The following VAV1 variants were observed in gnomAD, a reference collection of about 807,000 sequenced individuals.
VAV1 encodes the protein proto-oncogene vav.
Under a neutral mutation model 128.1 loss-of-function variants are expected in VAV1, and 33 were observed. The ratio of observed to expected loss-of-function variants is 0.26; its 90% confidence interval spans 0.20 to 0.34. VAV1 has a LOEUF of 0.34. Among genes scored for constraint, VAV1 ranks in the 10% least tolerant of loss-of-function variants. VAV1 has a pLI of 1.00. For synonymous variants in VAV1, 394 were observed against 409.8 expected (o/e 0.96, Z 0.47); for missense variants, 715 against 1,093.7 (o/e 0.65, Z 4.88).
intron 1 of VAV1, among the ~76,000 whole-genome samples, chr19:6,799,244 T>C (rs995070353): frequency 2.0e-5 from 3 of 152,138 alleles, no homozygotes; most frequent in Non-Finnish European, 4.4e-5. Flanking sequence ...CTCGGCTCAC[T>C]GCAACCTCCG....
Position 6,822,444 on chromosome 19 carries a change from G to T in VAV1, c.584G>T (p.Arg195Leu), listed in dbSNP as rs367965223. The change falls in exon 6 of 27, where the codon CGC becomes CTC. Residue 195 changes from arginine (R) to leucine (L), a missense_variant. Arg to Leu is a moderately radical substitution (Grantham distance 102). This residue lies in a region of VAV1 where 302 missense variants were observed against 477.8 expected (regional missense o/e 0.63). Transcript: ENST00000602142. The surrounding 1 kb of genome is among the most constrained non-coding windows in gnomAD (Gnocchi z 5.9). ...CCCAAGATGACAGAGTATGACAAGC[G>T]CTGCTGCTGCCTGCGGGAGATCCAG... ...MPPKMTEYDKRCCCLREIQQT... is the reference protein window; with the variant it reads ...MPPKMTEYDKLCCCLREIQQT... 1.3e-6 allele frequency: 2 copies of T among 1,562,874 alleles called. No individual in the cohort carries two copies. Among genetic ancestry groups the T allele is most frequent in the South Asian group, 1.2e-5 (1 of 85,096 alleles).
chr19:6,796,124 C>A (rs535772485), intron 1 of VAV1, among the ~76,000 whole-genome samples: 13 of 152,318 alleles, frequency 8.5e-5, no homozygotes, highest in African/African-American at 3.1e-4. Context: ...AAAGGTCCCG[C>A]TTCTCAACAC....
intron 19 of VAV1, among the ~76,000 whole-genome samples, chr19:6,835,170 G>A (rs1254006522): frequency 6.6e-6 from 1 of 151,342 alleles, no homozygotes; most frequent in Non-Finnish European, 1.5e-5. Context: ...AACAACCCGT[G>A]TCCTTTGTAC....
At chr19:6,816,779 T>C (rs891739316) in intron 1 of VAV1, among the ~76,000 whole-genome samples, 2 of 151,404 alleles carry the variant, frequency 1.3e-5, no homozygotes, top group Non-Finnish European at 2.9e-5. Flanking sequence ...CTGGACAACA[T>C]GGTGAAATCC....
Position 6,821,804 on chromosome 19 carries a change from G to A in VAV1, c.394G>A (p.Glu132Lys), listed in dbSNP as rs1360777593. ...QNRGIMPFPT[E>K]EESVGDEDIY... ...CTGACCCCCCAGGCCCTTCCCCACCGAGGAGGAGAGTGTAGGTGATGAAGA... is the reference window on the plus strand; with the variant it reads ...CTGACCCCCCAGGCCCTTCCCCACCAAGGAGGAGAGTGTAGGTGATGAAGA... Residue 132 changes from glutamate to lysine, a missense_variant, in exon 4 of 27, where the codon GAG (glutamate) becomes AAG (lysine). Physicochemically the swap from Glu to Lys is moderately conservative, Grantham distance 56. Transcript: ENST00000602142. 4.3e-6 allele frequency: 7 copies of A among 1,614,124 alleles called. No homozygotes were observed. Among genetic ancestry groups the A allele is most frequent in the South Asian group, 2.2e-5 (2 of 91,084 alleles).
chr19:6,843,875 C>T lies in VAV1; in HGVS notation c.2012+709C>T, dbSNP rs143617180. On this transcript the variant is annotated intron_variant, in intron 22 of 26. Transcript: ENST00000602142. Reference sequence around the variant, plus strand: ...AAATAGCTCTTGCGATCCACAGTGTCCATCTTCTGCTGAATTTTATAGGCA... The same window carrying T: ...AAATAGCTCTTGCGATCCACAGTGTTCATCTTCTGCTGAATTTTATAGGCA... Among the ~76,000 whole-genome samples the T allele has an allele frequency of 2.7e-3, 408 of 151,712 alleles. 4 individuals are homozygous for T. The highest frequency in any genetic ancestry group is 0.017 in the South Asian group (82 of 4,808).
intron 1 of VAV1, among the ~76,000 whole-genome samples, chr19:6,802,353 A>T (rs750164147): frequency 4.4e-4 from 66 of 151,232 alleles, no homozygotes; most frequent in Non-Finnish European, 8.4e-4. Context: ...TAATAAAATT[A>T]AAAAAAATAA....
At chr19:6,841,553 C>T (rs1972378346) in intron 21 of VAV1, among the ~76,000 whole-genome samples, 1 of 150,522 alleles carries the variant, frequency 6.6e-6, no homozygotes, top group Non-Finnish European at 1.5e-5. Flanking sequence ...CGGCTCACTG[C>T]AACCTCCGCT....
chr19:6,842,217 C>T (rs1972395818), intron 21 of VAV1, among the ~76,000 whole-genome samples: 1 of 151,730 alleles, frequency 6.6e-6, no homozygotes, highest in South Asian at 2.1e-4. Flanking sequence ...GCAATAAGAG[C>T]AAAACTCTGT....
At position 6,828,120 on chromosome 19, in the gene VAV1, C is replaced by A. The variant is rs753876214; in HGVS notation, c.972C>A (p.Asp324Glu). 6.2e-7 allele frequency: 1 copy of A among 1,614,194 alleles called. No homozygotes were observed. The highest frequency in any genetic ancestry group is 1.1e-5 in the South Asian group (1 of 91,086). Residue 324 changes from aspartate (D) to glutamate (E), a missense_variant, in exon 10 of 27, where the codon GAC (aspartate) becomes GAA (glutamate). Physicochemically the swap from Asp to Glu is conservative, Grantham distance 45 (BLOSUM62 2). Transcript: ENST00000602142. The surrounding 1 kb of genome is among the most constrained non-coding windows in gnomAD (Gnocchi z 4.5). ...RANNGRFTLR[D>E]LLMVPMQRVL... ...ACAACGGGAGGTTCACCCTGCGGGA[C>A]CTGCTGATGGTGCCTATGCAGCGAG...
intron 16 of VAV1, 63 bp from the exon 17 acceptor site, chr19:6,833,465 C>A: frequency 6.7e-7 from 1 of 1,492,614 alleles, no homozygotes; most frequent in South Asian, 1.3e-5. Flanking sequence ...ATGTTTTTAG[C>A]AGAATATTTG....
At chr19:6,818,064 C>G (rs1258077607) in intron 1 of VAV1, among the ~76,000 whole-genome samples, 1 of 152,122 alleles carries the variant, frequency 6.6e-6, no homozygotes, top group Non-Finnish European at 1.5e-5. Flanking sequence ...AAGTGATTCT[C>G]TCACTTCCAC....
At chr19:6,773,344 G>T (rs1170581728) in intron 1 of VAV1, among the ~76,000 whole-genome samples, 4 of 152,122 alleles carry the variant, frequency 2.6e-5, no homozygotes, top group African/African-American at 9.7e-5. Flanking sequence ...TCTCGGGGGA[G>T]CTCCCCAGAA....
intron 21 of VAV1, among the ~76,000 whole-genome samples, chr19:6,839,776 C>T (rs2042142118): frequency 1.3e-5 from 2 of 152,040 alleles, no homozygotes; most frequent in South Asian, 2.1e-4. Flanking sequence ...ACCGCAGCCT[C>T]GCCTCCCAGG....
At chr19:6,856,872 A>G (rs1283915213) in intron 26 of VAV1, among the ~76,000 whole-genome samples, 182 bp from the exon 27 acceptor site, 3 of 148,550 alleles carry the variant, frequency 2.0e-5, no homozygotes, top group Admixed American at 6.6e-5. Context: ...TTAGGAGGTA[A>G]TGGGTGTGTG....
At chr19:6,783,536 G>A (rs546488728) in intron 1 of VAV1, among the ~76,000 whole-genome samples, 46 of 144,422 alleles carry the variant, frequency 3.2e-4, no homozygotes, top group African/African-American at 1.2e-3. Flanking sequence ...GTGCAATGGC[G>A]CGATCTCTGT....
At position 6,826,984 on chromosome 19, in the gene VAV1, G is replaced by C; in HGVS notation, c.927+273G>C. 2.0e-6 allele frequency: 1 copy of C among 500,452 alleles called. No individual in the cohort carries two copies. Among genetic ancestry groups the C allele is most frequent in the Non-Finnish European group, 3.7e-6 (1 of 272,854 alleles). The allele number at this position is 500,452 out of a possible 1,614,324, so 31.0% of individuals were successfully genotyped here. On this transcript the variant is annotated intron_variant, in intron 9 of 26. Coordinates refer to ENST00000602142, the MANE Select transcript of VAV1 (RefSeq NM_005428.4). This position sits in a 1 kb window ranked among gnomAD's most constrained non-coding sequence, Gnocchi z 4.1. Reference sequence around the variant, plus strand: ...ATCTCACACTCAACCCCAGCCCTGGGCTGAGCCCTAGCACTGATTGTACCC... The same window carrying C: ...ATCTCACACTCAACCCCAGCCCTGGCCTGAGCCCTAGCACTGATTGTACCC...
chr19:6,841,303 T>G (rs1972371913), intron 21 of VAV1, among the ~76,000 whole-genome samples: 1 of 152,188 alleles, frequency 6.6e-6, no homozygotes, highest in Non-Finnish European at 1.5e-5. Context: ...AATTGGTTGC[T>G]TCAACTTTTG....
At chr19:6,804,778 C>T (rs1971352809) in intron 1 of VAV1, among the ~76,000 whole-genome samples, 2 of 146,592 alleles carry the variant, frequency 1.4e-5, no homozygotes, top group Admixed American at 1.4e-4. Flanking sequence ...GGCTGGAGTG[C>T]AGTGGCGCAA....
Sources: gnomAD v4.1 joint callset for allele counts (sites outside exome capture counted in the v4.1 genomes callset) on GRCh38, gnomAD v4.1.1 for gene constraint, gnomAD v4.1.1 regional missense constraint, Gnocchi (gnomAD v3.1) non-coding constraint, MANE v1.5 for transcripts, NCBI Gene and HGNC (gene_info 2026-07-23, HGNC 2026-07-21) for gene names.